Variants in UNC13C observed in about 807,000 individuals in gnomAD.
The protein encoded by UNC13C is protein unc-13 homolog C.
In UNC13C, 174 loss-of-function variants were observed where a neutral mutation model predicts 245.4. The ratio of observed to expected loss-of-function variants is 0.71; its 90% CI spans 0.63 to 0.80. UNC13C has a LOEUF of 0.80. Ranked by LOEUF, UNC13C falls within the 30% of genes least tolerant of loss-of-function variation. The pLI is 0.00. For missense variants in UNC13C, 2,829 were observed against 2,602.9 expected, an observed-to-expected ratio of 1.09 and a Z score of -1.89; for synonymous variants, 992 against 895.1, an observed-to-expected ratio of 1.11 and a Z score of -1.93.
rs777645544 is a variant in UNC13C, at chr15:54,338,488, C to T, written c.4712C>T (p.Pro1571Leu). ...GAACTCTACTCCCAGCTAACAGACCCGGTAAGAAAATATGTATGTCTTTTA... is the reference window on the plus strand; with the variant it reads ...GAACTCTACTCCCAGCTAACAGACCTGGTAAGAAAATATGTATGTCTTTTA... ...CHELYSQLTD[P>L]SKKQDIPRED... Residue 1571 changes from proline (P) to leucine (L), a missense_variant and splice_region_variant, in exon 17 of 33, where the codon CCG (proline) becomes CTG (leucine). Transcript: ENST00000260323. The T allele has an allele frequency of 2.4e-5, 39 of 1,611,952 alleles. No homozygotes were observed. Among genetic ancestry groups the T allele is most frequent in the South Asian group, 9.9e-5 (9 of 90,870 alleles).
At chr15:54,027,873 A>G (rs1481973124) in intron 2 of UNC13C, among the ~76,000 whole-genome samples, 2 of 151,260 alleles carry the variant, frequency 1.3e-5, no homozygotes, top group Non-Finnish European at 2.9e-5. Flanking sequence ...AGAAGGAAGT[A>G]GTGCTCTGTG....
the UNC13C span, among the ~76,000 whole-genome samples, chr15:53,944,722 T>A: frequency 1.3e-5 from 2 of 152,210 alleles, no homozygotes; most frequent in African/African-American, 2.4e-5. Context: ...AGTGCTGCAA[T>A]GAATCTATGC....
chr15:54,125,839 T>A (rs960032186), intron 2 of UNC13C, among the ~76,000 whole-genome samples: 1 of 152,216 alleles, frequency 6.6e-6, no homozygotes, highest in African/African-American at 2.4e-5. Flanking sequence ...TTATCTAATA[T>A]TAGCACAGAT....
the UNC13C span, among the ~76,000 whole-genome samples, chr15:53,907,060 C>G: frequency 6.6e-6 from 1 of 152,114 alleles, no homozygotes; most frequent in Non-Finnish European, 1.5e-5. Flanking sequence ...GACACAGATC[C>G]AAACCATATC....
At chr15:54,511,606 C>T in intron 23 of UNC13C, 147 bp from the exon 24 acceptor site, 5 of 591,234 alleles carry the variant, frequency 8.5e-6, no homozygotes, top group Non-Finnish European at 1.5e-5. Context: ...CTGTTACAAA[C>T]TATAATGTTG....
At chr15:54,612,193 T>C (rs1175641327) in intron 30 of UNC13C, among the ~76,000 whole-genome samples, 3 of 152,030 alleles carry the variant, frequency 2.0e-5, no homozygotes, top group South Asian at 2.1e-4. Flanking sequence ...CCATCATCAA[T>C]AGTGGACTCG....
At chr15:54,508,962 G>A (rs375909459) in intron 23 of UNC13C, among the ~76,000 whole-genome samples, 4 of 152,122 alleles carry the variant, frequency 2.6e-5, no homozygotes, top group African/African-American at 7.2e-5. Context: ...CACTTTGGGC[G>A]GCTGAGGTGG....
At chr15:54,400,187 A>C (rs1343668633) in intron 18 of UNC13C, among the ~76,000 whole-genome samples, 1 of 152,062 alleles carries the variant, frequency 6.6e-6, no homozygotes, top group African/African-American at 2.4e-5. Flanking sequence ...CACAACTAAT[A>C]ACATTAACGG....
At chr15:54,136,500 T>C (rs946205768) in intron 2 of UNC13C, among the ~76,000 whole-genome samples, 1 of 152,178 alleles carries the variant, frequency 6.6e-6, no homozygotes, top group Non-Finnish European at 1.5e-5. Context: ...CAGAAACGAT[T>C]TACTTCTTCA....
intron 20 of UNC13C, among the ~76,000 whole-genome samples, chr15:54,498,900 T>C (rs1226068534): frequency 9.2e-5 from 14 of 152,154 alleles, no homozygotes; most frequent in Non-Finnish European, 1.6e-4. Flanking sequence ...TTAAAATGCA[T>C]GTAGAAATGC....
At chr15:54,595,435 C>T (rs775953560) in intron 30 of UNC13C, among the ~76,000 whole-genome samples, 4 of 152,052 alleles carry the variant, frequency 2.6e-5, no homozygotes, top group Non-Finnish European at 4.4e-5. Context: ...GGGTGTCGCC[C>T]GGTCCCTGCA....
intron 10 of UNC13C, among the ~76,000 whole-genome samples, chr15:54,283,056 T>C (rs2037041610): frequency 6.6e-6 from 1 of 152,068 alleles, no homozygotes; most frequent in African/African-American, 2.4e-5. Context: ...ATGTATAAAA[T>C]AGATGAAGGG....
chr15:53,898,206 CCATCATCATCAT>C, the UNC13C span, among the ~76,000 whole-genome samples: 11 of 151,000 alleles, frequency 7.3e-5, no homozygotes, highest in Admixed American at 3.3e-4. Flanking sequence ...ACCACCACCA[CCATCATCATCAT>C]CATCATCATC....
At chr15:53,912,713 C>T in the UNC13C span, 4,428 of 152,162 alleles carry the variant, frequency 0.029, 99 homozygotes, top group East Asian at 0.081. Context: ...TCTGCCACAA[C>T]CCCAACAACT....
At chr15:54,539,770 A>G (rs1042164620) in intron 26 of UNC13C, among the ~76,000 whole-genome samples, 1 of 152,088 alleles carries the variant, frequency 6.6e-6, no homozygotes, top group Non-Finnish European at 1.5e-5. Flanking sequence ...ACTTCCAACT[A>G]TTAGCTGAGT....
chr15:54,273,048 T>A (rs2036728463), intron 10 of UNC13C, among the ~76,000 whole-genome samples: 1 of 152,254 alleles, frequency 6.6e-6, no homozygotes, highest in South Asian at 2.1e-4. Flanking sequence ...TAGGGAGCAG[T>A]TGGGGGTACA....
chr15:54,236,612 G>A (rs1271877525), intron 6 of UNC13C, among the ~76,000 whole-genome samples, 177 bp downstream of exon 6: 2 of 152,204 alleles, frequency 1.3e-5, no homozygotes, highest in Non-Finnish European at 2.9e-5. Flanking sequence ...AGAAAATTAT[G>A]TATGCAACAG....
At chr15:54,338,276 T>G in intron 16 of UNC13C, 85 bp from the exon 17 acceptor site, 1 of 1,390,976 alleles carries the variant, frequency 7.2e-7, no homozygotes, top group Non-Finnish European at 9.6e-7. Flanking sequence ...CTGAAAGTAT[T>G]TATTGAATAT....
At chr15:54,048,419 T>A (rs1008669197) in intron 2 of UNC13C, among the ~76,000 whole-genome samples, 2 of 152,214 alleles carry the variant, frequency 1.3e-5, no homozygotes, top group African/African-American at 4.8e-5. Flanking sequence ...AGTGCCCTTT[T>A]CAGTTGTAGA....
Sources: gnomAD v4.1 joint callset for allele counts (sites outside exome capture counted in the v4.1 genomes callset) on GRCh38, gnomAD v4.1.1 for gene constraint, MANE v1.5 for transcripts, NCBI Gene and HGNC (gene_info 2026-07-23, HGNC 2026-07-21) for gene names.